Variants in PDE4D observed in about 807,000 individuals in gnomAD.
The protein encoded by PDE4D is 3',5'-cyclic-AMP phosphodiesterase 4D.
In PDE4D, 24 loss-of-function variants were observed where a neutral mutation model predicts 87.4. That is an observed-to-expected ratio of 0.27 (90% CI 0.20 to 0.39). The LOEUF is 0.39. Ranked by LOEUF, PDE4D falls within the 10% of genes least tolerant of loss-of-function variation. The pLI is 1.00. For synonymous variants in PDE4D, 384 were observed against 383.2 expected, an observed-to-expected ratio of 1.00 and a Z score of -0.02; for missense variants, 714 against 1,041.0, an observed-to-expected ratio of 0.69 and a Z score of 4.32.
chr5:60,318,550 T>C (rs1179907808), intron 1 of PDE4D, among the ~76,000 whole-genome samples: 1 of 152,188 alleles, frequency 6.6e-6, no homozygotes, highest in Non-Finnish European at 1.5e-5. Flanking sequence ...GTGATTTTGC[T>C]TGTTAGTTGA....
chr5:59,507,857 C>T (rs1809566158), intron 1 of PDE4D, among the ~76,000 whole-genome samples: 1 of 151,898 alleles, frequency 6.6e-6, no homozygotes, highest in South Asian at 2.1e-4. Flanking sequence ...ATGGGGGCTT[C>T]TACAGCTTAG....
chr5:59,758,171 C>T (rs1182746272), intron 1 of PDE4D, among the ~76,000 whole-genome samples: 1 of 152,192 alleles, frequency 6.6e-6, no homozygotes, highest in African/African-American at 2.4e-5. Context: ...CTATTGGTTT[C>T]ATAGCTGTTT....
At chr5:59,494,293 C>T (rs1181341354) in intron 1 of PDE4D, among the ~76,000 whole-genome samples, 2 of 152,196 alleles carry the variant, frequency 1.3e-5, no homozygotes, top group South Asian at 2.1e-4. Context: ...AGCCATTAAA[C>T]TTCCTAGGCA....
chr5:60,169,431 T>G (rs959308137), intron 2 of PDE4D, among the ~76,000 whole-genome samples: 1 of 152,094 alleles, frequency 6.6e-6, no homozygotes, highest in Non-Finnish European at 1.5e-5. Flanking sequence ...TTGCTCAGAT[T>G]TTTTTCAACT....
rs537112920 is a variant in PDE4D, at chr5:59,731,521, A to C, written c.455+161647T>G. Among the ~76,000 whole-genome samples the C allele has an allele frequency of 4.6e-5, 7 of 152,246 alleles. 1 individual carries two copies. The highest frequency in any genetic ancestry group is 1.7e-4 in the African/African-American group (7 of 41,552). On this transcript the variant is annotated intron_variant, in intron 1 of 14. Coordinates refer to ENST00000340635, the MANE Select transcript of PDE4D (RefSeq NM_001104631.2). ...GACCAACAAACCCTTAGATGATTCA[A>C]CCATTGTTAGTTTTCTATTGCTTAT...
chr5:59,519,909 T>TAC (rs34234985), intron 1 of PDE4D, among the ~76,000 whole-genome samples: 2,422 of 151,298 alleles, frequency 0.016, 33 homozygotes, highest in Middle Eastern at 0.027. Flanking sequence ...ACCCCCCAAA[T>TAC]ACACACACAC....
At chr5:59,548,519 G>A (rs1400629002) in intron 1 of PDE4D, among the ~76,000 whole-genome samples, 1 of 152,086 alleles carries the variant, frequency 6.6e-6, no homozygotes, top group Non-Finnish European at 1.5e-5. Flanking sequence ...CCTTCATAAA[G>A]CTTACGATCT....
In PDE4D at chr5:59,455,071, C is replaced by T. The variant is rs113001173; in HGVS notation, c.456-239103G>A. On this transcript the variant is annotated intron_variant, in intron 1 of 14. Coordinates refer to ENST00000340635, the MANE Select transcript of PDE4D (RefSeq NM_001104631.2). ...TTGGAAAATTTGCAGCCTGACAATG[C>T]GATAGAAAAGAAAATCCCATTTTCT... is the stretch of plus-strand genomic sequence containing the variant. Among the ~76,000 whole-genome samples, 23 of 152,214 alleles carry T rather than the reference C, an allele frequency of 1.5e-4. 2 individuals carry two copies. The highest frequency in any genetic ancestry group is 2.6e-4 in the African/African-American group (11 of 41,528).
intron 1 of PDE4D, among the ~76,000 whole-genome samples, chr5:60,318,594 A>G (rs1335232212): frequency 6.6e-6 from 1 of 152,084 alleles, no homozygotes; most frequent in African/African-American, 2.4e-5. Flanking sequence ...GGTCTTTACA[A>G]TTTGGCATGT....
At chr5:59,867,374 T>C (rs1470088477) in intron 1 of PDE4D, among the ~76,000 whole-genome samples, 1 of 152,036 alleles carries the variant, frequency 6.6e-6, no homozygotes, top group East Asian at 1.9e-4. Flanking sequence ...TTAATAAAAA[T>C]AAAATTAAAA....
chr5:60,043,882 T>A (rs2152870737), intron 2 of PDE4D, among the ~76,000 whole-genome samples: 1 of 152,330 alleles, frequency 6.6e-6, no homozygotes, highest in East Asian at 1.9e-4. Flanking sequence ...GAAGGATAGT[T>A]TCACTGTATC....
chr5:60,029,010 A>G (rs1352433323), intron 2 of PDE4D, among the ~76,000 whole-genome samples: 3 of 152,226 alleles, frequency 2.0e-5, no homozygotes, highest in Admixed American at 6.5e-5. Context: ...GGTTAGATAC[A>G]TATCTGTCCT....
At chr5:59,544,117 G>A (rs974205945) in intron 1 of PDE4D, among the ~76,000 whole-genome samples, 1 of 152,158 alleles carries the variant, frequency 6.6e-6, no homozygotes, top group East Asian at 1.9e-4. Context: ...TCCTGTAGTG[G>A]CAGGAGGGGA....
chr5:59,927,958 T>C (rs1755470695), intron 3 of PDE4D, among the ~76,000 whole-genome samples: 1 of 152,244 alleles, frequency 6.6e-6, no homozygotes, highest in South Asian at 2.1e-4. Context: ...CTGTATTTCA[T>C]TTTGTTTATA....
intron 1 of PDE4D, among the ~76,000 whole-genome samples, chr5:60,225,681 G>T (rs1745009703): frequency 6.6e-6 from 1 of 152,008 alleles, no homozygotes; most frequent in South Asian, 2.1e-4. Flanking sequence ...ACTCTCTGGG[G>T]TTCCACTTTA....
At chr5:59,235,373 C>A (rs1039670204) in intron 1 of PDE4D, among the ~76,000 whole-genome samples, 1 of 152,130 alleles carries the variant, frequency 6.6e-6, no homozygotes, top group Non-Finnish European at 1.5e-5. Flanking sequence ...CCTTCACAGG[C>A]ATTGTTCAGT....
chr5:60,337,876 C>G (rs1757953202), intron 1 of PDE4D, among the ~76,000 whole-genome samples: 1 of 151,644 alleles, frequency 6.6e-6, no homozygotes, highest in East Asian at 1.9e-4. Flanking sequence ...AGAGTTCCTA[C>G]CAAAAAACAT....
At chr5:59,637,423 T>C (rs1192587954) in intron 1 of PDE4D, among the ~76,000 whole-genome samples, 2 of 152,126 alleles carry the variant, frequency 1.3e-5, no homozygotes, top group East Asian at 3.9e-4. Context: ...TTATAAATCA[T>C]TCTACTATAG....
At chr5:59,998,710 C>G (rs1023152850) in intron 2 of PDE4D, among the ~76,000 whole-genome samples, 1 of 151,942 alleles carries the variant, frequency 6.6e-6, no homozygotes, top group African/African-American at 2.4e-5. Context: ...CGGTCTTGCT[C>G]TAATACATAT....
Sources: allele counts gnomAD v4.1 joint callset (sites outside exome capture counted in the v4.1 genomes callset), GRCh38; gene constraint gnomAD v4.1.1; transcripts MANE v1.5; gene names NCBI Gene and HGNC (gene_info 2026-07-23, HGNC 2026-07-21).